Variants in LRP1B observed in about 807,000 individuals in gnomAD.
The protein encoded by LRP1B is low-density lipoprotein receptor-related protein 1B.
Under a neutral mutation model 556.6 loss-of-function variants are expected in LRP1B, and 217 were observed. The observed-to-expected ratio is 0.39, with a 90% CI of 0.35 to 0.44. The LOEUF (loss-of-function observed/expected upper bound fraction) is 0.44. Ranked by LOEUF, LRP1B falls within the 20% of genes least tolerant of loss-of-function variation. LRP1B has a pLI of 1.00. For missense variants in LRP1B, 5,053 were observed against 5,620.8 expected, an observed-to-expected ratio of 0.90 and a Z score of 3.23; for synonymous variants, 2,047 against 1,865.8, an observed-to-expected ratio of 1.10 and a Z score of -2.50.
In LRP1B at chr2:140,561,702, A is replaced by T. The variant is rs1335626776; in HGVS notation, c.7195-19731T>A. On this transcript the variant is annotated intron_variant, in intron 43 of 90. Coordinates refer to ENST00000389484, the MANE Select transcript of LRP1B (RefSeq NM_018557.3). The stretch of plus-strand genomic sequence containing the variant: ...AAAGAAAAAAATAACATCTATACAA[A>T]TTTCCTCAAAAAAATAGAAAAATTG... 2.6e-5 allele frequency among the ~76,000 whole-genome samples: 4 copies of T among 152,090 alleles called. No individual in the cohort carries two copies. The East Asian group carries it at 5.8e-4, about 22-fold the overall frequency.
intron 32 of LRP1B, among the ~76,000 whole-genome samples, chr2:140,777,062 A>G (rs576962109): frequency 6.6e-6 from 1 of 152,342 alleles, no homozygotes; most frequent in South Asian, 2.1e-4. Context: ...GAGAGGCTTT[A>G]AAACATTTAA....
At chr2:140,596,173 G>A (rs1432492558) in intron 43 of LRP1B, among the ~76,000 whole-genome samples, 1 of 152,140 alleles carries the variant, frequency 6.6e-6, no homozygotes, top group African/African-American at 2.4e-5. Context: ...TAGACACAAA[G>A]TTATAATAAA....
At chr2:142,111,660 A>G (rs529822264) in intron 1 of LRP1B, among the ~76,000 whole-genome samples, 1 of 152,252 alleles carries the variant, frequency 6.6e-6, no homozygotes, top group East Asian at 1.9e-4. Flanking sequence ...CAAGCAAACA[A>G]ACAGGTAAAT....
At chr2:140,883,736 G>T in intron 25 of LRP1B, 81 bp downstream of exon 25, 4 of 937,096 alleles carry the variant, frequency 4.3e-6, no homozygotes, top group Non-Finnish European at 4.4e-6. Flanking sequence ...ACTCATAATT[G>T]ATGAGATAAT....
At chr2:141,612,571 CAG>C (rs1688141786) in intron 2 of LRP1B, among the ~76,000 whole-genome samples, 1 of 152,046 alleles carries the variant, frequency 6.6e-6, no homozygotes, top group Non-Finnish European at 1.5e-5. Context: ...TAAATAATAC[CAG>C]AGACACCTGG....
intron 2 of LRP1B, among the ~76,000 whole-genome samples, chr2:141,635,428 G>A (rs1023691258): frequency 6.6e-6 from 1 of 151,854 alleles, no homozygotes; most frequent in African/African-American, 2.4e-5. Flanking sequence ...ACAAAAAAAA[G>A]TCTGCTGTAT....
intron 18 of LRP1B, among the ~76,000 whole-genome samples, chr2:140,971,729 G>T (rs1041606926): frequency 1.3e-5 from 2 of 152,180 alleles, no homozygotes; most frequent in Non-Finnish European, 2.9e-5. Context: ...AGCTACTCAG[G>T]AGGCTGAGGC....
chr2:142,043,054 C>T (rs1045803351), intron 1 of LRP1B, among the ~76,000 whole-genome samples: 1 of 151,488 alleles, frequency 6.6e-6, no homozygotes, highest in Non-Finnish European at 1.5e-5. Context: ...AAACACTAAC[C>T]TCGTGATATT....
intron 7 of LRP1B, among the ~76,000 whole-genome samples, chr2:141,150,014 A>T (rs1433913132): frequency 6.6e-6 from 1 of 152,108 alleles, no homozygotes; most frequent in African/African-American, 2.4e-5. Context: ...CAAAGAATAG[A>T]ATGGGCACCA....
intron 3 of LRP1B, among the ~76,000 whole-genome samples, chr2:141,370,404 T>A (rs1024064810): frequency 3.3e-5 from 5 of 152,192 alleles, no homozygotes; most frequent in African/African-American, 1.2e-4. Flanking sequence ...TGATTAATGA[T>A]GTTCAATGTT....
At chr2:140,292,715 A>C (rs2104990076) in intron 84 of LRP1B, among the ~76,000 whole-genome samples, 1 of 152,252 alleles carries the variant, frequency 6.6e-6, no homozygotes, top group South Asian at 2.1e-4. Context: ...GTTTATTGAG[A>C]ATAGAAAATG....
At chr2:141,372,895 C>G (rs1689282829) in intron 3 of LRP1B, among the ~76,000 whole-genome samples, 1 of 151,804 alleles carries the variant, frequency 6.6e-6, no homozygotes, top group African/African-American at 2.4e-5. Context: ...CATTTATTTT[C>G]CTTAGCTAAC....
At chr2:141,761,935 C>T (rs1184458008) in intron 2 of LRP1B, among the ~76,000 whole-genome samples, 3 of 152,044 alleles carry the variant, frequency 2.0e-5, no homozygotes, top group African/African-American at 7.2e-5. Context: ...TCCAGGATTC[C>T]ATGGTACACA....
chr2:140,687,535 T>C (rs1574241788), intron 41 of LRP1B, among the ~76,000 whole-genome samples: 1 of 152,188 alleles, frequency 6.6e-6, no homozygotes, highest in East Asian at 1.9e-4. Flanking sequence ...GAAAAAAATC[T>C]GTAAATGGAT....
rs564401162 is a variant in LRP1B at position 141,796,074 on chromosome 2, T to G, written c.205+14205A>C. ...AGCCAATCCAATTACTGTGATTCCT[T>G]GAGCCTAGAACACATATCTAATTTG... On this transcript the variant is annotated intron_variant, in intron 2 of 90. Coordinates refer to ENST00000389484, the MANE Select transcript of LRP1B (RefSeq NM_018557.3). Among the ~76,000 whole-genome samples the G allele has an allele frequency of 5.9e-5, 9 of 151,480 alleles. No homozygotes were observed. The South Asian group carries it at 1.7e-3, about 28-fold the overall frequency.
intron 2 of LRP1B, among the ~76,000 whole-genome samples, chr2:141,744,351 ATTATT>A (rs914811486): frequency 1.4e-4 from 22 of 152,138 alleles, no homozygotes; most frequent in African/African-American, 5.1e-4. Context: ...AATGCTTGCT[ATTATT>A]TTATTTTTAT....
chr2:141,982,189 G>A lies in LRP1B; in HGVS notation c.82+148459C>T, dbSNP rs530328027. On this transcript the variant is annotated intron_variant, in intron 1 of 90. Transcript: ENST00000389484. ...ACTCAATCCGTACAGTTCTCCGTAG[G>A]TGGGTAGGTGGAGACAATGTCTTAA... Among the ~76,000 whole-genome samples the A allele has an allele frequency of 5.3e-5, 8 of 152,260 alleles. No individual in the cohort carries two copies. The South Asian group carries it at 1.7e-3, about 32-fold the overall frequency.
intron 23 of LRP1B, among the ~76,000 whole-genome samples, chr2:140,886,951 G>A (rs1693655359): frequency 6.6e-6 from 1 of 152,064 alleles, no homozygotes; most frequent in South Asian, 2.1e-4. Context: ...TTTGAAAACG[G>A]ATATGAGATT....
chr2:140,801,859 G>A (rs756494765), intron 32 of LRP1B, among the ~76,000 whole-genome samples: 18 of 151,926 alleles, frequency 1.2e-4, no homozygotes, highest in Non-Finnish European at 2.2e-4. Flanking sequence ...TGAGAGGAAG[G>A]TAAGAGGCAA....
Sources: allele counts gnomAD v4.1 joint callset (sites outside exome capture counted in the v4.1 genomes callset), GRCh38; gene constraint gnomAD v4.1.1; transcripts MANE v1.5; gene names NCBI Gene and HGNC (gene_info 2026-07-23, HGNC 2026-07-21).